The following PLXNA4 variants were observed in gnomAD, a reference collection of about 807,000 sequenced individuals.
PLXNA4 encodes the protein plexin-A4.
Under a neutral mutation model 191.8 loss-of-function variants are expected in PLXNA4, and 44 were observed. The ratio of observed to expected loss-of-function variants is 0.23; its 90% CI spans 0.18 to 0.29. The LOEUF (loss-of-function observed/expected upper bound fraction) is 0.29. Among genes scored for constraint, PLXNA4 ranks in the 10% least tolerant of loss-of-function variants. The pLI, the probability that PLXNA4 is intolerant of heterozygous loss-of-function variation, is 1.00. For synonymous variants in PLXNA4, 1,082 were observed against 1,009.5 expected, an observed-to-expected ratio of 1.07 and a Z score of -1.36; for missense variants, 1,800 against 2,488.8, an observed-to-expected ratio of 0.72 and a Z score of 5.89.
At chr7:132,245,559 C>T (rs139723120) in intron 4 of PLXNA4, among the ~76,000 whole-genome samples, 9 of 152,288 alleles carry the variant, frequency 5.9e-5, no homozygotes, top group East Asian at 3.9e-4. Context: ...AATTACTATA[C>T]GATCTGGCAG....
At chr7:132,609,015 C>A (rs577159808) in intron 2 of PLXNA4, among the ~76,000 whole-genome samples, 1 of 152,230 alleles carries the variant, frequency 6.6e-6, no homozygotes, top group East Asian at 1.9e-4. Context: ...CCTGGGGGGC[C>A]CTTCCTACCC....
At chr7:132,270,263 C>A (rs898044461) in intron 4 of PLXNA4, among the ~76,000 whole-genome samples, 3 of 152,038 alleles carry the variant, frequency 2.0e-5, no homozygotes, top group Non-Finnish European at 4.4e-5. Context: ...GTTATATATA[C>A]CGCGGGAATA....
chr7:132,411,970 C>T (rs1443824557), intron 3 of PLXNA4, among the ~76,000 whole-genome samples: 2 of 152,182 alleles, frequency 1.3e-5, no homozygotes, highest in African/African-American at 4.8e-5. Flanking sequence ...TGCCCTCTGC[C>T]TCCCTTCATG....
chr7:132,269,117 T>G (rs1331842347), intron 4 of PLXNA4, among the ~76,000 whole-genome samples: 1 of 152,158 alleles, frequency 6.6e-6, no homozygotes, highest in African/African-American at 2.4e-5. Flanking sequence ...CCTCAACCTT[T>G]GCAGCTGCCC....
At chr7:132,154,180 A>AAGGAGGCTGC (rs1795726142) in intron 25 of PLXNA4, among the ~76,000 whole-genome samples, 1 of 152,224 alleles carries the variant, frequency 6.6e-6, no homozygotes, top group East Asian at 1.9e-4. Flanking sequence ...CCGGGCTGAG[A>AAGGAGGCTGC]AGGAGGCTGT....
intron 21 of PLXNA4, among the ~76,000 whole-genome samples, chr7:132,171,209 G>A (rs1452559251): frequency 6.6e-6 from 1 of 152,230 alleles, no homozygotes; most frequent in Non-Finnish European, 1.5e-5. Context: ...CATCCACCAT[G>A]TGCAATGCAC....
intron 4 of PLXNA4, among the ~76,000 whole-genome samples, chr7:132,259,453 AAAAAAAAAAAAAAAAAAAAAGAAAAAAGG>A (rs1321490933): frequency 7.2e-6 from 1 of 138,166 alleles, no homozygotes; most frequent in African/African-American, 2.8e-5. Flanking sequence ...AAAAAAAAAA[AAAAAAAAAAAAAAAAAAAAAGAAAAAAGG>A]AAAAAAGAAA....
At chr7:132,504,459 G>A (rs1420912185) in intron 2 of PLXNA4, among the ~76,000 whole-genome samples, 1 of 152,186 alleles carries the variant, frequency 6.6e-6, no homozygotes, top group Non-Finnish European at 1.5e-5. Flanking sequence ...CTCAGGATGT[G>A]GAAAGGGCTA....
intron 3 of PLXNA4, among the ~76,000 whole-genome samples, chr7:132,394,360 GT>G (rs1793660445): frequency 2.0e-5 from 3 of 152,168 alleles, no homozygotes; most frequent in Admixed American, 2.0e-4. Context: ...ACCAGAGAAT[GT>G]GATCAGGAGT....
chr7:132,248,723 C>T (rs1212422896), intron 4 of PLXNA4, among the ~76,000 whole-genome samples: 1 of 152,170 alleles, frequency 6.6e-6, no homozygotes, highest in Non-Finnish European at 1.5e-5. Context: ...GAAGGTCTAG[C>T]CCCTCAGCAA....
intron 1 of PLXNA4, among the ~76,000 whole-genome samples, chr7:132,511,996 C>G (rs1293064784): frequency 6.6e-6 from 1 of 152,292 alleles, no homozygotes; most frequent in Admixed American, 6.5e-5. Flanking sequence ...ACCACCCCGG[C>G]CTCTCTTCTG....
chr7:132,445,626 C>T (rs1165582198), intron 3 of PLXNA4, among the ~76,000 whole-genome samples: 1 of 152,160 alleles, frequency 6.6e-6, no homozygotes, highest in Non-Finnish European at 1.5e-5. Context: ...CGCCAAAATT[C>T]TTTGAAAGCA....
Position 132,556,338 on chromosome 7 carries a change from G to A in PLXNA4, c.-87+20084C>T, listed in dbSNP as rs74513854. On this transcript the variant is annotated intron_variant, in intron 1 of 31. Transcript: ENST00000321063. ...TCAGCAAACCTTGATACCCTTCCCC[G>A]GCACACTAGTTGAGGCAGACAGCAG... 5.8e-4 allele frequency among the ~76,000 whole-genome samples: 88 copies of A among 152,128 alleles called. 1 individual carries two copies. In the East Asian group the frequency reaches 0.011, roughly 19 times the overall value.
intron 2 of PLXNA4, among the ~76,000 whole-genome samples, chr7:132,630,492 T>C (rs746911152): frequency 2.6e-5 from 4 of 152,106 alleles, no homozygotes; most frequent in Non-Finnish European, 4.4e-5. Context: ...AAACATTGTT[T>C]GTCCACTTTG....
intron 3 of PLXNA4, among the ~76,000 whole-genome samples, chr7:132,328,285 A>G (rs1485685608): frequency 6.6e-6 from 1 of 152,140 alleles, no homozygotes; most frequent in African/African-American, 2.4e-5. Flanking sequence ...CCTGTTCTCC[A>G]TGAGCTATTT....
chr7:132,420,415 G>T (rs1471397131), intron 3 of PLXNA4, among the ~76,000 whole-genome samples: 7 of 152,110 alleles, frequency 4.6e-5, no homozygotes, highest in Non-Finnish European at 1.0e-4. Context: ...TAGAATCTAT[G>T]GCTGGGCTCA....
At chr7:132,291,585 G>A (rs1800892804) in intron 4 of PLXNA4, among the ~76,000 whole-genome samples, 3 of 152,188 alleles carry the variant, frequency 2.0e-5, no homozygotes, top group African/African-American at 7.2e-5. Context: ...GACAGAGCCA[G>A]AAAATATGTA....
intron 3 of PLXNA4, among the ~76,000 whole-genome samples, chr7:132,361,113 G>A (rs1436299963): frequency 6.6e-6 from 1 of 152,150 alleles, no homozygotes; most frequent in Non-Finnish European, 1.5e-5. Context: ...AGCGCTAGGG[G>A]GTGGGTTGCT....
At chr7:132,561,518 T>TAC (rs1801064050) in intron 1 of PLXNA4, among the ~76,000 whole-genome samples, 1 of 114,588 alleles carries the variant, frequency 8.7e-6, no homozygotes, top group South Asian at 3.8e-4. Flanking sequence ...CTCCTCCTCC[T>TAC]TCTCCTCCTC....
Sources: allele counts gnomAD v4.1 joint callset (sites outside exome capture counted in the v4.1 genomes callset), GRCh38; gene constraint gnomAD v4.1.1; transcripts MANE v1.5; gene names NCBI Gene and HGNC (gene_info 2026-07-23, HGNC 2026-07-21).